The following SLC39A11 variants were observed in gnomAD, a reference collection of about 807,000 sequenced individuals.
The protein encoded by SLC39A11 is zinc transporter ZIP11.
A neutral mutation model predicts 36.1 loss-of-function variants in SLC39A11; 33 were observed. The ratio of observed to expected loss-of-function variants is 0.91; its 90% CI spans 0.69 to 1.22. The LOEUF (loss-of-function observed/expected upper bound fraction) is 1.22. Among genes scored for constraint, SLC39A11 ranks in the 50% most tolerant of loss-of-function variants. The pLI is 0.00. For missense variants in SLC39A11, 432 were observed against 430.3 expected, an observed-to-expected ratio of 1.00 and a Z score of -0.03; for synonymous variants, 166 against 170.3, an observed-to-expected ratio of 0.97 and a Z score of 0.20.
At chr17:72,888,431 G>A (rs1301327352) in intron 5 of SLC39A11, among the ~76,000 whole-genome samples, 1 of 152,152 alleles carries the variant, frequency 6.6e-6, no homozygotes, top group Non-Finnish European at 1.5e-5. Flanking sequence ...CAACAGATGG[G>A]GTTAGTGGTT....
At chr17:72,849,195 C>T (rs4793315) in intron 6 of SLC39A11, among the ~76,000 whole-genome samples, 69,959 of 151,960 alleles carry the variant, frequency 0.46, 17,053 homozygotes, top group Non-Finnish European at 0.54. Flanking sequence ...GTTGGTCTTG[C>T]TCTCTCAGGG....
At chr17:72,954,093 C>A (rs1489744930) in intron 4 of SLC39A11, among the ~76,000 whole-genome samples, 1 of 152,202 alleles carries the variant, frequency 6.6e-6, no homozygotes, top group Non-Finnish European at 1.5e-5. Flanking sequence ...GTTGCCCAGG[C>A]TGGAGTGCAG....
intron 7 of SLC39A11, among the ~76,000 whole-genome samples, chr17:72,689,395 G>T (rs1426889090): frequency 5.3e-5 from 8 of 152,166 alleles, no homozygotes; most frequent in Non-Finnish European, 1.2e-4. Context: ...GAAAAGTGGG[G>T]AGAAGAGACA....
intron 7 of SLC39A11, among the ~76,000 whole-genome samples, chr17:72,719,318 T>G (rs1385631392): frequency 6.6e-6 from 1 of 152,152 alleles, no homozygotes; most frequent in Non-Finnish European, 1.5e-5. Flanking sequence ...CGAGGCCCCG[T>G]GGCCACATGT....
chr17:72,786,683 C>T (rs2076527522), intron 6 of SLC39A11, among the ~76,000 whole-genome samples: 1 of 152,064 alleles, frequency 6.6e-6, no homozygotes, highest in Non-Finnish European at 1.5e-5. Context: ...TCTGTATGGG[C>T]AGGAAGTGGG....
intron 7 of SLC39A11, among the ~76,000 whole-genome samples, chr17:72,694,998 T>C (rs1371616504): frequency 6.6e-6 from 1 of 152,230 alleles, no homozygotes; most frequent in Non-Finnish European, 1.5e-5. Context: ...TTGACCCTTC[T>C]TTTGTGATCT....
intron 6 of SLC39A11, among the ~76,000 whole-genome samples, chr17:72,828,173 T>C (rs2078110851): frequency 6.6e-6 from 1 of 152,214 alleles, no homozygotes; most frequent in Non-Finnish European, 1.5e-5. Flanking sequence ...GAATATGCCG[T>C]GTGGCATGGC....
intron 6 of SLC39A11, among the ~76,000 whole-genome samples, chr17:72,805,545 C>T (rs892941367): frequency 1.3e-5 from 2 of 152,100 alleles, no homozygotes; most frequent in Admixed American, 1.3e-4. Flanking sequence ...CTCAGGAGTG[C>T]GGGAGGCCTG....
chr17:72,665,535 C>A (rs149662776), intron 7 of SLC39A11, among the ~76,000 whole-genome samples: 263 of 151,700 alleles, frequency 1.7e-3, no homozygotes, highest in African/African-American at 6.0e-3. Flanking sequence ...GCATGTGCTA[C>A]CAGGCCCAGC....
intron 4 of SLC39A11, among the ~76,000 whole-genome samples, chr17:73,030,132 A>C (rs1389193607): frequency 6.6e-6 from 1 of 152,226 alleles, no homozygotes; most frequent in African/African-American, 2.4e-5. Context: ...TTGAGAATCT[A>C]ATGCCACGGC....
chr17:72,993,424 T>A (rs977742762), intron 4 of SLC39A11, among the ~76,000 whole-genome samples: 2 of 152,234 alleles, frequency 1.3e-5, no homozygotes, highest in Non-Finnish European at 2.9e-5. Context: ...GTATTTGTTT[T>A]AAGTGTCCAC....
intron 5 of SLC39A11, among the ~76,000 whole-genome samples, chr17:72,906,233 G>A (rs559493346): frequency 9.2e-5 from 14 of 152,332 alleles, no homozygotes; most frequent in East Asian, 3.9e-4. Flanking sequence ...AACTGGCTGC[G>A]GCCAGGTGAC....
intron 6 of SLC39A11, among the ~76,000 whole-genome samples, chr17:72,788,746 C>T (rs73354728): frequency 3.3e-5 from 5 of 152,182 alleles, no homozygotes; most frequent in African/African-American, 1.2e-4. Context: ...CCAACTAAAC[C>T]TAAGTCCTGG....
rs570236685 is a variant in SLC39A11 at position 72,963,838 on chromosome 17, C to T, written c.307-15963G>A. The stretch of plus-strand genomic sequence containing the variant: ...CAAAAGCAGCATTAGGCACAGGAGA[C>T]GCAATGTCCAGTAGCCCACCTTTAG... On this transcript the variant is annotated intron_variant, in intron 4 of 9. Coordinates refer to ENST00000255559, the MANE Select transcript of SLC39A11 (RefSeq NM_139177.4). Among the ~76,000 whole-genome samples the T allele has an allele frequency of 6.8e-4, 103 of 152,256 alleles. No individual in the cohort carries two copies. The South Asian group carries it at 6.8e-3, about 10-fold the overall frequency.
At chr17:73,077,757 T>C (rs534725215) in intron 3 of SLC39A11, among the ~76,000 whole-genome samples, 1 of 152,370 alleles carries the variant, frequency 6.6e-6, no homozygotes, top group Admixed American at 6.5e-5. Context: ...TCATTCGTGA[T>C]AACACACTGG....
chr17:72,786,862 C>T (rs988424142), intron 6 of SLC39A11, among the ~76,000 whole-genome samples: 3 of 152,142 alleles, frequency 2.0e-5, no homozygotes, highest in Admixed American at 6.6e-5. Flanking sequence ...CTTTTTCACC[C>T]GGGCTGAAGT....
At chr17:72,892,557 T>C (rs190318989) in intron 5 of SLC39A11, among the ~76,000 whole-genome samples, 1 of 152,270 alleles carries the variant, frequency 6.6e-6, no homozygotes, top group African/African-American at 2.4e-5. Flanking sequence ...TAATACTGTA[T>C]GGTTCGTTTC....
At chr17:72,763,773 A>G (rs1342369325) in intron 6 of SLC39A11, among the ~76,000 whole-genome samples, 1 of 152,218 alleles carries the variant, frequency 6.6e-6, no homozygotes, top group African/African-American at 2.4e-5. Context: ...AGGGCCCTTT[A>G]AGATGGAGCG....
chr17:72,836,800 G>A (rs564409477), intron 6 of SLC39A11, among the ~76,000 whole-genome samples: 2 of 152,190 alleles, frequency 1.3e-5, no homozygotes, highest in South Asian at 4.2e-4. Context: ...ATTTTATTAT[G>A]GTCAATGATG....
Sources: gnomAD v4.1 joint callset for allele counts (sites outside exome capture counted in the v4.1 genomes callset) on GRCh38, gnomAD v4.1.1 for gene constraint, MANE v1.5 for transcripts, NCBI Gene and HGNC (gene_info 2026-07-23, HGNC 2026-07-21) for gene names.